The following TMEM132C variants were observed in gnomAD, a reference collection of about 807,000 sequenced individuals.
TMEM132C encodes the protein transmembrane protein 132C.
Under a neutral mutation model 61.4 loss-of-function variants are expected in TMEM132C, and 29 were observed. The observed-to-expected ratio is 0.47, with a 90% CI of 0.35 to 0.64. The LOEUF (loss-of-function observed/expected upper bound fraction) is 0.64. Among genes scored for constraint, TMEM132C ranks in the 30% least tolerant of loss-of-function variants. The probability of loss-of-function intolerance (pLI) is 0.00; values close to 1 mark genes in which losing one functional copy is unlikely to be tolerated. For synonymous variants in TMEM132C, 656 were observed against 633.1 expected, an observed-to-expected ratio of 1.04 and a Z score of -0.54; for missense variants, 1,408 against 1,476.9, an observed-to-expected ratio of 0.95 and a Z score of 0.76.
intron 1 of TMEM132C, among the ~76,000 whole-genome samples, chr12:128,313,176 C>T (rs762900725): frequency 1.3e-5 from 2 of 152,246 alleles, no homozygotes; most frequent in Non-Finnish European, 2.9e-5. Context: ...TCTGGACTCA[C>T]CATTATGAAG....
intron 2 of TMEM132C, among the ~76,000 whole-genome samples, chr12:128,481,241 C>T (rs1871307470): frequency 6.6e-6 from 1 of 152,216 alleles, no homozygotes; most frequent in African/African-American, 2.4e-5. Flanking sequence ...AGCTGTGACC[C>T]AGACACTCAG....
intron 1 of TMEM132C, among the ~76,000 whole-genome samples, chr12:128,366,188 C>T (rs531638998): frequency 2.6e-5 from 4 of 152,326 alleles, no homozygotes; most frequent in South Asian, 2.1e-4. Flanking sequence ...CTGCCTGTGT[C>T]GCCCGCGGCT....
intron 1 of TMEM132C, among the ~76,000 whole-genome samples, chr12:128,414,206 G>A (rs1359200639): frequency 6.6e-6 from 1 of 151,954 alleles, no homozygotes; most frequent in Admixed American, 6.6e-5. Context: ...GGGCAAAATA[G>A]TGAGACCCCA....
At chr12:128,649,349 C>T (rs1954244147) in intron 4 of TMEM132C, among the ~76,000 whole-genome samples, 1 of 152,234 alleles carries the variant, frequency 6.6e-6, no homozygotes, top group Non-Finnish European at 1.5e-5. Flanking sequence ...AGAGCTGACA[C>T]ACTGGTTCTT....
At chr12:128,433,267 A>G (rs1011294099) in intron 2 of TMEM132C, among the ~76,000 whole-genome samples, 1 of 152,164 alleles carries the variant, frequency 6.6e-6, no homozygotes, top group Admixed American at 6.5e-5. Flanking sequence ...AATTTGCAGT[A>G]TCACTGAGGT....
intron 3 of TMEM132C, among the ~76,000 whole-genome samples, chr12:128,551,426 C>T (rs1049239477): frequency 6.6e-6 from 1 of 152,174 alleles, no homozygotes; most frequent in Non-Finnish European, 1.5e-5. Context: ...CATACACACA[C>T]CAGACCGCGT....
intron 2 of TMEM132C, among the ~76,000 whole-genome samples, chr12:128,488,217 C>A (rs1459947106): frequency 2.0e-5 from 3 of 152,230 alleles, no homozygotes; most frequent in African/African-American, 7.2e-5. Context: ...TTAATGTGAA[C>A]AGTGTGGATC....
chr12:128,628,897 A>C lies in TMEM132C; in HGVS notation c.1305+12562A>C, dbSNP rs1328971475. 2.0e-5 allele frequency among the ~76,000 whole-genome samples: 3 copies of C among 152,248 alleles called. No individual in the cohort carries two copies. In the East Asian group the frequency reaches 5.8e-4, roughly 29 times the overall value. On this transcript the variant is annotated intron_variant, in intron 4 of 8. Transcript: ENST00000435159. ...ATATGATTATGGTGCCAAGGCTAAC[A>C]TTAAAAGCTGTCAGCCTTTATTCTA... is the stretch of plus-strand genomic sequence containing the variant.
In TMEM132C at chr12:128,470,484, A is replaced by G. The variant is rs143090525; in HGVS notation, c.974+54864A>G. On this transcript the variant is annotated intron_variant, in intron 2 of 8. Transcript: ENST00000435159. The stretch of plus-strand genomic sequence containing the variant: ...TACCTCTCGGTCTTGGTAGGAGCCA[A>G]TTTTCCAACCATTGCTAATTTGGGA... Among the ~76,000 whole-genome samples, 6 of 152,118 alleles carry G rather than the reference A, an allele frequency of 3.9e-5. 1 individual carries two copies. The highest frequency in any genetic ancestry group is 2.1e-4 in the South Asian group (1 of 4,804).
intron 3 of TMEM132C, among the ~76,000 whole-genome samples, chr12:128,556,238 A>C (rs1874326239): frequency 6.6e-6 from 1 of 152,198 alleles, no homozygotes; most frequent in South Asian, 2.1e-4. Flanking sequence ...ATTCTGTTTC[A>C]AAATGCAAGC....
At chr12:128,347,142 G>C (rs1873183328) in intron 1 of TMEM132C, among the ~76,000 whole-genome samples, 1 of 151,988 alleles carries the variant, frequency 6.6e-6, no homozygotes, top group Admixed American at 6.6e-5. Context: ...CATCTTCATA[G>C]CTTAGTTCTC....
rs558154776 is a variant in TMEM132C at position 128,468,538 on chromosome 12, G to A, written c.974+52918G>A. 1.8e-4 allele frequency among the ~76,000 whole-genome samples: 28 copies of A among 151,934 alleles called. 2 individuals carry two copies. In the East Asian group the frequency reaches 5.5e-3, roughly 30 times the overall value. Reference sequence around the variant, plus strand: ...TTCTCCATGTTGGTCAGGTTGGTCTGGAACTCCCGACCTCAGGTGATCCGC... The same window carrying A: ...TTCTCCATGTTGGTCAGGTTGGTCTAGAACTCCCGACCTCAGGTGATCCGC... On this transcript the variant is annotated intron_variant, in intron 2 of 8. Transcript: ENST00000435159.
At chr12:128,338,777 T>TATATATATATATATATATATATATATA (rs1565905368) in intron 1 of TMEM132C, among the ~76,000 whole-genome samples, 12 of 149,140 alleles carry the variant, frequency 8.0e-5, no homozygotes, top group African/African-American at 2.8e-4. Context: ...TATATATATA[T>TATATATATATATATATATATATATATA]TTTGCACAAA....
chr12:128,469,483 C>T (rs1431340287), intron 2 of TMEM132C, among the ~76,000 whole-genome samples: 1 of 151,752 alleles, frequency 6.6e-6, no homozygotes, highest in Non-Finnish European at 1.5e-5. Flanking sequence ...ACCCAGCTAA[C>T]TTTCTGTATG....
chr12:128,316,165 A>G (rs565984558), intron 1 of TMEM132C, among the ~76,000 whole-genome samples: 1 of 152,242 alleles, frequency 6.6e-6, no homozygotes, highest in South Asian at 2.1e-4. Context: ...AAGAAGGCAC[A>G]GTCACCTGAG....
intron 4 of TMEM132C, among the ~76,000 whole-genome samples, chr12:128,621,096 C>T (rs751450399): frequency 3.3e-5 from 5 of 151,992 alleles, no homozygotes; most frequent in Admixed American, 6.6e-5. Context: ...AGACCCTTCT[C>T]GGCTCTGCTC....
chr12:128,620,346 CAA>C (rs1953952189), intron 4 of TMEM132C, among the ~76,000 whole-genome samples: 1 of 151,452 alleles, frequency 6.6e-6, no homozygotes, highest in African/African-American at 2.4e-5. Flanking sequence ...AGTCAACAGA[CAA>C]AGTTTGCCTT....
chr12:128,506,246 T>C (rs1291381375), intron 2 of TMEM132C, among the ~76,000 whole-genome samples: 1 of 152,208 alleles, frequency 6.6e-6, no homozygotes, highest in Non-Finnish European at 1.5e-5. Flanking sequence ...GCAGCCAGCC[T>C]CAGCATCATC....
intron 4 of TMEM132C, among the ~76,000 whole-genome samples, chr12:128,645,584 C>T (rs897675146): frequency 2.6e-5 from 4 of 152,260 alleles, no homozygotes; most frequent in African/African-American, 9.6e-5. Flanking sequence ...CCTCCAAATT[C>T]TCTCTCCTGA....
Sources: allele counts gnomAD v4.1 joint callset (sites outside exome capture counted in the v4.1 genomes callset), GRCh38; gene constraint gnomAD v4.1.1; transcripts MANE v1.5; gene names NCBI Gene and HGNC (gene_info 2026-07-23, HGNC 2026-07-21).